Variants in FOXP1 observed in about 807,000 individuals in gnomAD.
FOXP1 encodes the protein forkhead box protein P1.
FOXP1 carries 15 observed loss-of-function variants against 98.2 expected under a neutral mutation model. The ratio of observed to expected loss-of-function variants is 0.15; its 90% CI spans 0.10 to 0.24. The LOEUF is 0.24. FOXP1 is among the 10% of genes least tolerant of loss of function. FOXP1 has a pLI of 1.00. For missense variants in FOXP1, 633 were observed against 848.5 expected, an observed-to-expected ratio of 0.75 and a Z score of 3.15; for synonymous variants, 371 against 314.5, an observed-to-expected ratio of 1.18 and a Z score of -1.90.
chr3:71,068,797 T>C (rs2107393022), intron 7 of FOXP1, among the ~76,000 whole-genome samples: 1 of 152,280 alleles, frequency 6.6e-6, no homozygotes, highest in Non-Finnish European at 1.5e-5. Context: ...GTAAGCCCAG[T>C]AACATGCCTG....
intron 17 of FOXP1, among the ~76,000 whole-genome samples, chr3:70,976,262 CAGGCTGGTCT>C (rs1307969904): frequency 2.3e-4 from 35 of 151,886 alleles, no homozygotes; most frequent in African/African-American, 8.2e-4. Context: ...CTACGTTGCC[CAGGCTGGTCT>C]CTAACTCCTG....
intron 3 of FOXP1, among the ~76,000 whole-genome samples, chr3:71,478,940 T>G (rs1055686295): frequency 6.6e-5 from 10 of 152,182 alleles, no homozygotes; most frequent in African/African-American, 2.4e-4. Context: ...GGAGGGAAAG[T>G]CACTTGGAGA....
At position 70,954,801 on chromosome 3, in the gene FOXP1, TTGTC is replaced by T. The variant is rs2031381749; in HGVS notation, c.*4442_*4445del. On this transcript the variant is annotated 3_prime_UTR_variant, in exon 21 of 21. Coordinates refer to ENST00000649528, the MANE Select transcript of FOXP1 (RefSeq NM_001349338.3). ...TACTGACTACACAACATTTTTTTTA[TTGTC>T]TGTATCCGCAGACATGGAATGATGG... The T allele has an allele frequency of 4.3e-6, 1 of 231,908 alleles. No homozygotes were observed. The highest frequency in any genetic ancestry group is 6.1e-5 in the East Asian group (1 of 16,384). 14.4% of individuals were successfully genotyped at this position (231,908 alleles called of 1,614,324 possible).
chr3:71,157,964 T>C (rs1025686815), intron 6 of FOXP1, among the ~76,000 whole-genome samples: 41 of 151,906 alleles, frequency 2.7e-4, no homozygotes, highest in African/African-American at 9.7e-4. Context: ...GGTGTGTGCC[T>C]GTAGTCCCAG....
At chr3:71,076,506 G>A (rs181922703) in intron 7 of FOXP1, among the ~76,000 whole-genome samples, 19 of 152,252 alleles carry the variant, frequency 1.2e-4, no homozygotes, top group African/African-American at 3.4e-4. Context: ...AGGCAGGACC[G>A]GGAAGGGCAT....
At chr3:71,210,996 T>G (rs1475471623) in intron 5 of FOXP1, 1 of 152,314 alleles carries the variant, frequency 6.6e-6, no homozygotes, top group East Asian at 1.9e-4. Context: ...GTTGTAACAA[T>G]TTCCCTTCAT....
At chr3:71,057,224 T>C (rs746630663) in intron 7 of FOXP1, among the ~76,000 whole-genome samples, 15 of 151,216 alleles carry the variant, frequency 9.9e-5, no homozygotes, top group Non-Finnish European at 2.1e-4. Flanking sequence ...AACAGTCATG[T>C]GAGTTTTTAA....
At chr3:71,031,029 C>T (rs959826075) in intron 11 of FOXP1, among the ~76,000 whole-genome samples, 1 of 152,082 alleles carries the variant, frequency 6.6e-6, no homozygotes, top group African/African-American at 2.4e-5. Flanking sequence ...GTGGAGTGTT[C>T]GCTTTTTGGA....
chr3:71,559,208 T>C (rs1173988985), intron 2 of FOXP1, among the ~76,000 whole-genome samples: 1 of 152,190 alleles, frequency 6.6e-6, no homozygotes, highest in Non-Finnish European at 1.5e-5. Flanking sequence ...ATCACCAGAT[T>C]TGGCTATGCC....
At chr3:71,181,846 C>T (rs890629805) in intron 6 of FOXP1, among the ~76,000 whole-genome samples, 2 of 151,968 alleles carry the variant, frequency 1.3e-5, no homozygotes, top group Non-Finnish European at 2.9e-5. Flanking sequence ...TCCTGGCTAA[C>T]ATGGTGAAAC....
At chr3:71,502,849 A>G (rs2041499695) in intron 2 of FOXP1, among the ~76,000 whole-genome samples, 1 of 152,254 alleles carries the variant, frequency 6.6e-6, no homozygotes, top group Admixed American at 6.5e-5. Flanking sequence ...TAACCGGCAT[A>G]CATAACAGCT....
At position 70,965,979 on chromosome 3, in the gene FOXP1, G is replaced by A. The variant is rs760260048; in HGVS notation, c.1800C>T (p.Ser600=). The A allele has an allele frequency of 2.5e-5, 41 of 1,613,974 alleles. No individual in the cohort carries two copies. Among genetic ancestry groups the A allele is most frequent in the African/African-American group, 9.3e-5 (7 of 74,910 alleles). Reference sequence around the variant, plus strand: ...CCCCGTTCAGCTCTTCCCGTATTGCGCTGGCTAAGTTGCCCAGAGTGGGAT... The same window carrying A: ...CCCCGTTCAGCTCTTCCCGTATTGCACTGGCTAAGTTGCCCAGAGTGGGAT... ...MGNPTLGNLA[S]AIREELNGAM... Residue 600 remains serine (S), a synonymous_variant, in exon 20 of 21, where the codon AGC becomes AGT. Transcript: ENST00000649528.
chr3:71,033,059 T>C (rs2047083696), intron 11 of FOXP1, among the ~76,000 whole-genome samples: 2 of 152,190 alleles, frequency 1.3e-5, no homozygotes. Flanking sequence ...GTTCTCACTC[T>C]TCTCCTGCCA....
chr3:71,518,065 T>C (rs1008016236), intron 2 of FOXP1, among the ~76,000 whole-genome samples: 7 of 152,174 alleles, frequency 4.6e-5, no homozygotes, highest in Admixed American at 4.6e-4. Context: ...CTGCCTTTCC[T>C]CTTAATGAAC....
chr3:71,305,957 G>T (rs1385943383), intron 4 of FOXP1: 3 of 152,702 alleles, frequency 2.0e-5, no homozygotes, highest in Non-Finnish European at 4.4e-5. Context: ...AGTTTGTAAG[G>T]GAGAAACTAC....
At chr3:71,304,111 T>G (rs534509322) in intron 4 of FOXP1, among the ~76,000 whole-genome samples, 1 of 152,304 alleles carries the variant, frequency 6.6e-6, no homozygotes, top group South Asian at 2.1e-4. Context: ...GTACCTAACT[T>G]TGGAGTCCAT....
At chr3:71,397,099 T>TATATATATGTGTATATATATAC (rs2081576829) in intron 3 of FOXP1, among the ~76,000 whole-genome samples, 1 of 55,886 alleles carries the variant, frequency 1.8e-5, no homozygotes, top group East Asian at 2.8e-4. Flanking sequence ...TATATATATA[T>TATATATATGTGTATATATATAC]ACATATATAT....
At chr3:71,420,602 G>A (rs745489250) in intron 3 of FOXP1, among the ~76,000 whole-genome samples, 4 of 152,150 alleles carry the variant, frequency 2.6e-5, no homozygotes, top group African/African-American at 7.2e-5. Flanking sequence ...ATATATGTAT[G>A]TAAAACAACC....
At chr3:71,099,936 C>T (rs549243341) in intron 7 of FOXP1, among the ~76,000 whole-genome samples, 90 of 152,158 alleles carry the variant, frequency 5.9e-4, no homozygotes, top group Non-Finnish European at 1.1e-3. Context: ...ATGCAATTTG[C>T]CCAGTCTCAT....
Sources: gnomAD v4.1 joint callset for allele counts (sites outside exome capture counted in the v4.1 genomes callset) on GRCh38, gnomAD v4.1.1 for gene constraint, MANE v1.5 for transcripts, NCBI Gene and HGNC (gene_info 2026-07-23, HGNC 2026-07-21) for gene names.